Variants in COL23A1 observed in about 807,000 individuals in gnomAD.
COL23A1 encodes the protein collagen type XXIII alpha 1 chain, also known as collagen alpha-1(XXIII) chain.
A neutral mutation model predicts 99.3 loss-of-function variants in COL23A1; 97 were observed. The ratio of observed to expected loss-of-function variants is 0.98; its 90% CI spans 0.83 to 1.16. COL23A1 has a LOEUF of 1.16. Ranked by LOEUF, COL23A1 falls within the 50% of genes most tolerant of loss-of-function variation. The probability of loss-of-function intolerance (pLI) is 0.00; values close to 1 mark genes in which losing one functional copy is unlikely to be tolerated. For synonymous variants in COL23A1, 320 were observed against 308.2 expected (o/e 1.04, Z -0.40); for missense variants, 762 against 757.4 (o/e 1.01, Z -0.07).
At chr5:178,325,849 G>C (rs866480697) in intron 2 of COL23A1, among the ~76,000 whole-genome samples, 1 of 152,258 alleles carries the variant, frequency 6.6e-6, no homozygotes, top group Non-Finnish European at 1.5e-5. Context: ...ACTGGGAATG[G>C]AGAGCATGTG....
rs76924514 is a variant in COL23A1, at chr5:178,373,407, T to C, written c.362-66488A>G. Among the ~76,000 whole-genome samples, 1,053 of 152,248 alleles carry C rather than the reference T, an allele frequency of 6.9e-3. 13 individuals carry two copies. Among genetic ancestry groups the C allele is most frequent in the African/African-American group, 0.024 (1,004 of 41,546 alleles). On this transcript the variant is annotated intron_variant, in intron 2 of 28. Coordinates refer to ENST00000390654, the MANE Select transcript of COL23A1 (RefSeq NM_173465.4). ...CTCCAAGGTGTCCTGCCCCACACTT[T>C]ATTTTTTATTTTTATTTTTATTTTT... is the stretch of plus-strand genomic sequence containing the variant.
intron 24 of COL23A1, 105 bp downstream of exon 24, chr5:178,246,149 C>T: frequency 5.3e-6 from 7 of 1,309,868 alleles, no homozygotes; most frequent in Non-Finnish European, 5.4e-6. Context: ...TCTGGCCCTG[C>T]GAAGTGCAGG....
Position 178,335,914 on chromosome 5 carries a change from A to G in COL23A1, c.362-28995T>C, listed in dbSNP as rs568553564. ...CTACCATGTCTTTGCCAAGAATTCC[A>G]AAGGATTTGGGATAAGCAAATAGCC... On this transcript the variant is annotated intron_variant, in intron 2 of 28. Transcript: ENST00000390654. Among the ~76,000 whole-genome samples the G allele has an allele frequency of 1.1e-4, 16 of 152,356 alleles. No homozygotes were observed. In the East Asian group the frequency reaches 2.9e-3, roughly 27 times the overall value.
chr5:178,449,393 C>T (rs887223686), intron 2 of COL23A1, among the ~76,000 whole-genome samples: 1 of 152,144 alleles, frequency 6.6e-6, no homozygotes, highest in African/African-American at 2.4e-5. Context: ...GCCTTCTGGT[C>T]ATGACTCTGA....
intron 12 of COL23A1, among the ~76,000 whole-genome samples, chr5:178,258,545 G>A (rs549373098): frequency 4.0e-5 from 6 of 151,374 alleles, no homozygotes; most frequent in African/African-American, 1.2e-4. Context: ...ACAGGCGCCC[G>A]CCACCACGCC....
intron 2 of COL23A1, among the ~76,000 whole-genome samples, chr5:178,447,018 A>G (rs2127852072): frequency 6.6e-6 from 1 of 152,360 alleles, no homozygotes; most frequent in South Asian, 2.1e-4. Context: ...CTGTTAGGAC[A>G]TAGAATTACA....
intron 2 of COL23A1, among the ~76,000 whole-genome samples, chr5:178,424,645 G>A (rs1010334086): frequency 1.3e-5 from 2 of 152,192 alleles, no homozygotes; most frequent in Non-Finnish European, 2.9e-5. Context: ...CAGGACTAAT[G>A]GTCCTAGACT....
At chr5:178,342,609 C>A (rs2127664391) in intron 2 of COL23A1, among the ~76,000 whole-genome samples, 1 of 152,370 alleles carries the variant, frequency 6.6e-6, no homozygotes, top group South Asian at 2.1e-4. Context: ...GGCTGTGCAG[C>A]AGTGGCTCTG....
intron 5 of COL23A1, among the ~76,000 whole-genome samples, chr5:178,283,747 T>G (rs1757018965): frequency 6.6e-6 from 1 of 152,214 alleles, no homozygotes; most frequent in African/African-American, 2.4e-5. Flanking sequence ...AAGTCAAAGT[T>G]CAGGCAAGAT....
intron 2 of COL23A1, among the ~76,000 whole-genome samples, chr5:178,345,524 T>TA (rs1760914993): frequency 1.3e-5 from 2 of 149,054 alleles, no homozygotes; most frequent in African/African-American, 4.9e-5. Flanking sequence ...CTGACACCAT[T>TA]TTTTTTTTTT....
intron 2 of COL23A1, among the ~76,000 whole-genome samples, chr5:178,432,591 A>C (rs1417555733): frequency 6.6e-6 from 1 of 152,202 alleles, no homozygotes; most frequent in Non-Finnish European, 1.5e-5. Flanking sequence ...AGGAGGCAGG[A>C]AACACCCAGA....
At chr5:178,325,090 G>A (rs1269087099) in intron 2 of COL23A1, among the ~76,000 whole-genome samples, 4 of 152,202 alleles carry the variant, frequency 2.6e-5, no homozygotes, top group African/African-American at 7.2e-5. Flanking sequence ...TCAAAGTCAC[G>A]CAGTCAGGAA....
intron 2 of COL23A1, among the ~76,000 whole-genome samples, chr5:178,376,475 G>A (rs913209763): frequency 1.3e-5 from 2 of 152,194 alleles, no homozygotes; most frequent in African/African-American, 4.8e-5. Flanking sequence ...CTGGTGCTGG[G>A]GAGACCCCCT....
intron 2 of COL23A1, among the ~76,000 whole-genome samples, chr5:178,552,405 C>A (rs2113482497): frequency 6.6e-6 from 1 of 152,276 alleles, no homozygotes; most frequent in Middle Eastern, 3.4e-3. Context: ...ACACAAATGA[C>A]CTCCTTTCAC....
intron 2 of COL23A1, among the ~76,000 whole-genome samples, chr5:178,553,119 G>C (rs1251214737): frequency 1.3e-5 from 2 of 149,332 alleles, no homozygotes; most frequent in African/African-American, 4.9e-5. Context: ...GCAGTGAACC[G>C]TGACTGCACC....
At chr5:178,499,961 G>A (rs747220721) in intron 2 of COL23A1, among the ~76,000 whole-genome samples, 4 of 152,170 alleles carry the variant, frequency 2.6e-5, no homozygotes, top group Non-Finnish European at 5.9e-5. Flanking sequence ...AAGCAAAATG[G>A]TCCATACTGT....
At chr5:178,447,559 A>G (rs190826949) in intron 2 of COL23A1, among the ~76,000 whole-genome samples, 9 of 152,298 alleles carry the variant, frequency 5.9e-5, no homozygotes, top group Non-Finnish European at 1.3e-4. Flanking sequence ...ACAGTAACAT[A>G]CTGTTAAGGT....
intron 16 of COL23A1, among the ~76,000 whole-genome samples, chr5:178,254,666 C>T (rs1050939499): frequency 5.9e-5 from 9 of 152,176 alleles, no homozygotes; most frequent in African/African-American, 2.2e-4. Context: ...GAACAGACCC[C>T]AGGAAATACT....
chr5:178,560,570 G>A (rs564047516), intron 2 of COL23A1, 112 bp downstream of exon 2: 8 of 926,956 alleles, frequency 8.6e-6, no homozygotes, highest in African/African-American at 5.0e-5. Context: ...GCCAGTGCAC[G>A]AAGACGACAG....
Sources: gnomAD v4.1 joint callset for allele counts (sites outside exome capture counted in the v4.1 genomes callset) on GRCh38, gnomAD v4.1.1 for gene constraint, MANE v1.5 for transcripts, NCBI Gene and HGNC (gene_info 2026-07-23, HGNC 2026-07-21) for gene names.